Variants in HERC6 observed in about 807,000 individuals in gnomAD.
HERC6 encodes probable E3 ubiquitin-protein ligase HERC6.
Under a neutral mutation model 114.5 loss-of-function variants are expected in HERC6, and 101 were observed. The observed-to-expected ratio is 0.88, with a 90% confidence interval of 0.75 to 1.04. HERC6 has a LOEUF of 1.04. Ranked by LOEUF, HERC6 falls within the 50% of genes least tolerant of loss-of-function variation. HERC6 has a pLI of 0.00. For missense variants in HERC6, 1,133 were observed against 1,230.9 expected (o/e 0.92, Z 1.19); for synonymous variants, 408 against 436.2 (o/e 0.94, Z 0.81).
At chr4:88,389,029 C>A (rs1020915047) in intron 3 of HERC6, among the ~76,000 whole-genome samples, 2 of 152,122 alleles carry the variant, frequency 1.3e-5, no homozygotes, top group African/African-American at 2.4e-5. Context: ...GGAAAGGAGT[C>A]TTTCTAGTTT....
At chr4:88,425,747 G>C (rs1392891090) in intron 15 of HERC6, among the ~76,000 whole-genome samples, 1 of 152,050 alleles carries the variant, frequency 6.6e-6, no homozygotes, top group African/African-American at 2.4e-5. Flanking sequence ...TCTCAGTTAA[G>C]TATATATAAT....
intron 4 of HERC6, 117 bp downstream of exon 4, chr4:88,390,996 C>G: frequency 2.6e-6 from 2 of 776,298 alleles, no homozygotes; most frequent in Non-Finnish European, 4.1e-6. Flanking sequence ...GTGACACATT[C>G]GAATAGCCTA....
At chr4:88,417,383 G>A (rs1275772876) in intron 12 of HERC6, 42 bp from the exon 13 acceptor site, 4 of 1,573,192 alleles carry the variant, frequency 2.5e-6, no homozygotes, top group Non-Finnish European at 3.5e-6. Flanking sequence ...TTGGGGGGTG[G>A]TAGGAAAAAC....
intron 8 of HERC6, 92 bp from the exon 9 acceptor site, chr4:88,404,784 C>T: frequency 4.1e-6 from 6 of 1,478,260 alleles, no homozygotes; most frequent in Non-Finnish European, 5.5e-6. Flanking sequence ...AGGGCAGGGC[C>T]TATTTACCAC....
At chr4:88,380,612 G>A (rs1392865559) in intron 1 of HERC6, among the ~76,000 whole-genome samples, 3 of 148,312 alleles carry the variant, frequency 2.0e-5, no homozygotes, top group Admixed American at 1.4e-4. Context: ...AGCTACTTGG[G>A]AGGCTGAGGC....
Position 88,424,599 on chromosome 4 carries a change from C to T in HERC6, c.1832C>T (p.Pro611Leu). The change falls in exon 15 of 23, where the codon CCT becomes CTT. Residue 611 changes from proline to leucine, a missense_variant. Pro to Leu is a moderately conservative substitution (Grantham distance 98, BLOSUM62 -3). Around this residue, in one of 3 missense-constraint regions of HERC6, gnomAD observed 735 missense variants for 754.0 expected, o/e 0.97. Transcript: ENST00000264346. ...TTATCTCTGTTTATTTTTTAGATACCTGCAGAAACCCCCAGTCCTGTTATT... is the reference window on the plus strand; with the variant it reads ...TTATCTCTGTTTATTTTTTAGATACTTGCAGAAACCCCCAGTCCTGTTATT... ...RQLFRDNHLI[P>L]AETPSPVIFS... The T allele has an allele frequency of 1.3e-6, 2 of 1,595,580 alleles. No homozygotes were observed. The highest frequency in any genetic ancestry group is 8.6e-7 in the Non-Finnish European group (1 of 1,168,382).
chr4:88,431,072 C>G, intron 16 of HERC6, 90 bp from the exon 17 acceptor site: 1 of 1,135,540 alleles, frequency 8.8e-7, no homozygotes, highest in Non-Finnish European at 1.3e-6. Context: ...CTAGAGACTG[C>G]AAGAATGGTC....
chr4:88,431,885 C>G (rs1337888381), intron 17 of HERC6, among the ~76,000 whole-genome samples: 1 of 152,184 alleles, frequency 6.6e-6, no homozygotes, highest in African/African-American at 2.4e-5. Flanking sequence ...GCTGAATCAC[C>G]TTTTAAGAAT....
At chr4:88,433,684 C>T (rs1738465591) in intron 17 of HERC6, among the ~76,000 whole-genome samples, 1 of 152,172 alleles carries the variant, frequency 6.6e-6, no homozygotes, top group Non-Finnish European at 1.5e-5. Context: ...ACTTCCCAGC[C>T]TCCAGAACTC....
chr4:88,433,490 A>G (rs1207440447), intron 17 of HERC6, among the ~76,000 whole-genome samples: 2 of 152,140 alleles, frequency 1.3e-5, no homozygotes, highest in Non-Finnish European at 2.9e-5. Flanking sequence ...CCACTCATGG[A>G]TTAATGAGTA....
At chr4:88,440,663 A>G (rs1739252753) in intron 22 of HERC6, 3 of 155,702 alleles carry the variant, frequency 1.9e-5, no homozygotes, top group African/African-American at 7.2e-5. Context: ...TAGCTACTCC[A>G]TGGTGCTTCT....
chr4:88,399,898 A>G (rs1310447199), intron 8 of HERC6: 1 of 152,236 alleles, frequency 6.6e-6, no homozygotes, highest in Non-Finnish European at 1.5e-5. Flanking sequence ...AGGCTGTGAC[A>G]GTTGAGCAGA....
intron 17 of HERC6, among the ~76,000 whole-genome samples, chr4:88,432,472 C>A (rs1283864951): frequency 6.6e-6 from 1 of 151,766 alleles, no homozygotes; most frequent in Non-Finnish European, 1.5e-5. Flanking sequence ...GTAATACCAG[C>A]ACTTTGGGAG....
chr4:88,439,880 CTA>C lies in HERC6; in HGVS notation c.2564_2565del (p.Tyr855CysfsTer3). The C allele has an allele frequency of 1.0e-6, 1 of 960,662 alleles. No homozygotes were observed. Among genetic ancestry groups the C allele is most frequent in the Non-Finnish European group, 1.5e-6 (1 of 677,388 alleles). The allele number at this position is 960,662 out of a possible 1,614,324, so 59.5% of individuals were successfully genotyped here. On this transcript the variant is annotated frameshift_variant, in exon 21 of 23. Transcript: ENST00000264346. LOFTEE classifies it high-confidence loss of function. ...TTTTTTTGCTTCCCTCAAGGAGAGA[CTA>C]TGTTTCTAAGTATATTGATTACATT... ...IPVDQTNKRD[Y>X]VSKYIDYIFN...
In HERC6 at chr4:88,432,350, C is replaced by T. The variant is rs549137420; in HGVS notation, c.2250+1045C>T. Among the ~76,000 whole-genome samples, 3 of 151,046 alleles carry T rather than the reference C, an allele frequency of 2.0e-5. No individual in the cohort carries two copies. In the South Asian group the frequency reaches 6.3e-4, roughly 32 times the overall value. On this transcript the variant is annotated intron_variant, in intron 17 of 22. Transcript: ENST00000264346. ...AACACTGCTGGTCCCAAGCCTTTCACATAGGGATACTGAGCAGAATCTCAG... is the reference window on the plus strand; with the variant it reads ...AACACTGCTGGTCCCAAGCCTTTCATATAGGGATACTGAGCAGAATCTCAG...
At chr4:88,405,143 G>A in intron 9 of HERC6, 146 bp downstream of exon 9, 1 of 927,178 alleles carries the variant, frequency 1.1e-6, no homozygotes. Flanking sequence ...GTGTGACTAG[G>A]TCATCAGTGT....
intron 8 of HERC6, chr4:88,399,305 C>T (rs1168218808): frequency 6.6e-6 from 1 of 152,176 alleles, no homozygotes; most frequent in Non-Finnish European, 1.5e-5. Context: ...GTTGCTCTAT[C>T]ATAGCCATTC....
rs960968641 is a variant in HERC6, at chr4:88,442,170, C to A, written c.2843-64C>A. On this transcript the variant is annotated intron_variant, in intron 22 of 22. Coordinates refer to ENST00000264346, the MANE Select transcript of HERC6 (RefSeq NM_017912.4). ...ACTTACTGAATGAAGTGATTAATTT[C>A]TTCCTTTTCATTATGTTTTACTCTT... The A allele has an allele frequency of 9.4e-6, 11 of 1,173,290 alleles. No individual in the cohort carries two copies. The East Asian group carries it at 1.0e-4, about 11-fold the overall frequency. The allele number at this position is 1,173,290 out of a possible 1,614,324, so 72.7% of individuals were successfully genotyped here.
intron 13 of HERC6, among the ~76,000 whole-genome samples, chr4:88,422,456 A>G (rs1319514534): frequency 6.6e-6 from 1 of 152,114 alleles, no homozygotes; most frequent in African/African-American, 2.4e-5. Flanking sequence ...ACTTCATTCT[A>G]TTTCTAGTTT....
Sources: gnomAD v4.1 joint callset for allele counts (sites outside exome capture counted in the v4.1 genomes callset) on GRCh38, gnomAD v4.1.1 for gene constraint, gnomAD v4.1.1 regional missense constraint, MANE v1.5 for transcripts, NCBI Gene and HGNC (gene_info 2026-07-23, HGNC 2026-07-21) for gene names.